TTLL1: variants seen among roughly 807,000 people sequenced by gnomAD.
TTLL1 encodes the protein TTL family tubulin polyglutamylase complex subunit L1, also known as polyglutamylase complex subunit TTLL1.
In TTLL1, 33 loss-of-function variants were observed where a neutral mutation model predicts 47.8. That is an observed-to-expected ratio of 0.69 (90% CI 0.52 to 0.92). The LOEUF (loss-of-function observed/expected upper bound fraction) is 0.92. TTLL1 is among the 40% of genes least tolerant of loss of function. The pLI, the probability that TTLL1 is intolerant of heterozygous loss-of-function variation, is 0.00. For synonymous variants in TTLL1, 225 were observed against 214.1 expected, an observed-to-expected ratio of 1.05 and a Z score of -0.45; for missense variants, 488 against 547.5, an observed-to-expected ratio of 0.89 and a Z score of 1.08.
intron 3 of TTLL1, among the ~76,000 whole-genome samples, chr22:43,073,500 G>A (rs1451105325): frequency 6.6e-6 from 1 of 151,730 alleles, no homozygotes; most frequent in Non-Finnish European, 1.5e-5. Context: ...AGGATTACAG[G>A]TGCGCACCAC....
At chr22:43,046,661 T>C in intron 9 of TTLL1, 88 bp from the exon 10 acceptor site, 2 of 1,484,192 alleles carry the variant, frequency 1.3e-6, no homozygotes, top group Non-Finnish European at 1.8e-6. Flanking sequence ...TGCTGGCTGC[T>C]ACACACTTTA....
At chr22:43,079,203 G>A (rs1472599130) in intron 2 of TTLL1, among the ~76,000 whole-genome samples, 3 of 77,818 alleles carry the variant, frequency 3.9e-5, no homozygotes, top group Non-Finnish European at 5.7e-5. Context: ...CACGGGAGCC[G>A]CACCCCAGAG....
chr22:43,083,066 T>G (rs1004044039), intron 1 of TTLL1, among the ~76,000 whole-genome samples: 2 of 151,030 alleles, frequency 1.3e-5, no homozygotes, highest in Admixed American at 6.6e-5. Context: ...CAATACTCCT[T>G]TTTAAAAATA....
intron 8 of TTLL1, among the ~76,000 whole-genome samples, chr22:43,055,068 G>C (rs1926910875): frequency 6.6e-6 from 1 of 151,436 alleles, no homozygotes; most frequent in African/African-American, 2.4e-5. Context: ...CTGTCACCCA[G>C]GCTGGGGTGC....
At chr22:43,056,332 C>G (rs1277051188) in intron 8 of TTLL1, among the ~76,000 whole-genome samples, 1 of 146,946 alleles carries the variant, frequency 6.8e-6, no homozygotes, top group Non-Finnish European at 1.5e-5. Context: ...GCACTCCAGC[C>G]TGGCGACACA....
intron 2 of TTLL1, among the ~76,000 whole-genome samples, chr22:43,076,954 A>G (rs1601699817): frequency 6.6e-6 from 1 of 151,592 alleles, no homozygotes; most frequent in African/African-American, 2.4e-5. Context: ...ACAAAAAATT[A>G]GCCGGGTGCG....
At chr22:43,077,741 G>A (rs1211109974) in intron 2 of TTLL1, among the ~76,000 whole-genome samples, 1 of 152,166 alleles carries the variant, frequency 6.6e-6, no homozygotes, top group Non-Finnish European at 1.5e-5. Context: ...AAGGCTACAG[G>A]AGGCTGCCTC....
At position 43,070,265 on chromosome 22, in the gene TTLL1, G is replaced by T. The variant is rs757879955; in HGVS notation, c.114-421C>A. 8.2e-6 allele frequency: 10 copies of T among 1,218,502 alleles called. No individual in the cohort carries two copies. In the South Asian group the frequency reaches 1.3e-4, roughly 16 times the overall value. 75.5% of individuals were successfully genotyped at this position (1,218,502 alleles called of 1,614,324 possible). On this transcript the variant is annotated intron_variant, in intron 3 of 10. Coordinates refer to ENST00000266254, the MANE Select transcript of TTLL1 (RefSeq NM_012263.5). The stretch of plus-strand genomic sequence containing the variant: ...AGCCTTTAAAAACAAAATCACAGGG[G>T]TTATTTAAGGGCCCTGAGTCAGTAT...
intron 1 of TTLL1, among the ~76,000 whole-genome samples, chr22:43,085,581 T>C (rs1387627508): frequency 6.6e-6 from 1 of 152,218 alleles, no homozygotes; most frequent in Non-Finnish European, 1.5e-5. Context: ...CCTGCCACCA[T>C]GTATAATGTG....
chr22:43,064,380 A>G lies in TTLL1; in HGVS notation c.504-56T>C, dbSNP rs1927592915. On this transcript the variant is annotated intron_variant, in intron 5 of 10. Coordinates refer to ENST00000266254, the MANE Select transcript of TTLL1 (RefSeq NM_012263.5). ...TGGTAAAAGATGCAATAACGAAGAC[A>G]CAATCCAAGAAAGGAATAACTGATA... The G allele has an allele frequency of 1.1e-4, 169 of 1,563,540 alleles. 1 individual carries two copies. In the South Asian group the frequency reaches 1.9e-3, roughly 18 times the overall value.
Position 43,064,373 on chromosome 22 carries a change from C to T in TTLL1, c.504-49G>A, listed in dbSNP as rs142729147. 1,750 of 1,574,262 alleles carry T rather than the reference C, an allele frequency of 1.1e-3. 17 individuals carry two copies. The African/African-American group carries it at 0.02, about 18-fold the overall frequency. Reference sequence around the variant, plus strand: ...AATTAGATGGTAAAAGATGCAATAACGAAGACACAATCCAAGAAAGGAATA... The same window carrying T: ...AATTAGATGGTAAAAGATGCAATAATGAAGACACAATCCAAGAAAGGAATA... On this transcript the variant is annotated intron_variant, in intron 5 of 10. Transcript: ENST00000266254.
At chr22:43,075,628 A>G in intron 2 of TTLL1, 38 bp from the exon 3 acceptor site, 7 of 1,564,124 alleles carry the variant, frequency 4.5e-6, no homozygotes, top group Non-Finnish European at 6.2e-6. Context: ...TGAAACTTCA[A>G]CAGCTCACTT....
intron 2 of TTLL1, among the ~76,000 whole-genome samples, chr22:43,077,863 T>C (rs1337116856): frequency 6.6e-6 from 1 of 152,110 alleles, no homozygotes; most frequent in Non-Finnish European, 1.5e-5. Context: ...TCCCAGCACT[T>C]TGAGAGGCCG....
At chr22:43,080,012 G>C (rs879278653) in intron 1 of TTLL1, 26 bp from the exon 2 acceptor site, 5 of 151,752 alleles carry the variant, frequency 3.3e-5, no homozygotes, top group Non-Finnish European at 7.3e-5. Flanking sequence ...CAGATGAAAT[G>C]TACATCAAAC....
At chr22:43,070,707 C>T (rs2146982372) in intron 3 of TTLL1, among the ~76,000 whole-genome samples, 1 of 152,254 alleles carries the variant, frequency 6.6e-6, no homozygotes, top group Middle Eastern at 3.4e-3. Flanking sequence ...CCCACTTCAC[C>T]AGTTAACGGC....
chr22:43,043,593 C>CG (rs1925872010), intron 10 of TTLL1, among the ~76,000 whole-genome samples: 1 of 152,022 alleles, frequency 6.6e-6, no homozygotes, highest in Non-Finnish European at 1.5e-5. Context: ...CTGTGGGCTC[C>CG]GGAACTCTCT....
intron 3 of TTLL1, among the ~76,000 whole-genome samples, chr22:43,072,826 T>C (rs894789336): frequency 6.6e-6 from 1 of 152,114 alleles, no homozygotes; most frequent in African/African-American, 2.4e-5. Context: ...CTGCCCAGGC[T>C]GGTCTCAAAC....
At chr22:43,064,813 G>C (rs1369910603) in intron 5 of TTLL1, among the ~76,000 whole-genome samples, 1 of 152,058 alleles carries the variant, frequency 6.6e-6, no homozygotes, top group Non-Finnish European at 1.5e-5. Context: ...AGAGCACAGA[G>C]GATTTTGAGG....
At chr22:43,070,410 C>T (rs925869095) in intron 3 of TTLL1, among the ~76,000 whole-genome samples, 3 of 152,120 alleles carry the variant, frequency 2.0e-5, no homozygotes, top group African/African-American at 7.2e-5. Context: ...CCTGTCCTCA[C>T]CAACCCCCAG....
Sources: gnomAD v4.1 joint callset for allele counts (sites outside exome capture counted in the v4.1 genomes callset) on GRCh38, gnomAD v4.1.1 for gene constraint, MANE v1.5 for transcripts, NCBI Gene and HGNC (gene_info 2026-07-23, HGNC 2026-07-21) for gene names.